Variants in RBFOX1 observed in about 807,000 individuals in gnomAD.
The protein encoded by RBFOX1 is RNA binding fox-1 homolog 1, also known as RNA binding protein fox-1 homolog 1.
RBFOX1 carries 8 observed loss-of-function variants against 57.7 expected under a neutral mutation model. That is an observed-to-expected ratio of 0.14 (90% CI 0.08 to 0.25). The LOEUF (loss-of-function observed/expected upper bound fraction) is 0.25, where lower values mean the gene tolerates loss of function less well. RBFOX1 is among the 10% of genes least tolerant of loss of function. The pLI, the probability that RBFOX1 is intolerant of heterozygous loss-of-function variation, is 1.00. For missense variants in RBFOX1, 611 were observed against 548.5 expected, an observed-to-expected ratio of 1.11 and a Z score of -1.14; for synonymous variants, 326 against 222.4, an observed-to-expected ratio of 1.47 and a Z score of -4.15.
intron 1 of RBFOX1, among the ~76,000 whole-genome samples, chr16:6,278,082 T>G (rs1031870827): frequency 1.3e-5 from 2 of 152,134 alleles, no homozygotes; most frequent in African/African-American, 4.8e-5. Flanking sequence ...ATTAGTCACT[T>G]AATTTTTATG....
intron 2 of RBFOX1, among the ~76,000 whole-genome samples, chr16:6,546,533 C>T (rs1367750226): frequency 6.6e-6 from 1 of 152,186 alleles, no homozygotes; most frequent in African/African-American, 2.4e-5. Flanking sequence ...CATAGCACCT[C>T]TGTCTGCTTC....
intron 4 of RBFOX1, among the ~76,000 whole-genome samples, chr16:7,391,399 G>C (rs2098017714): frequency 6.6e-6 from 1 of 152,164 alleles, no homozygotes; most frequent in Non-Finnish European, 1.5e-5. Context: ...CTGGGTACCT[G>C]CCTCCCTCTG....
At chr16:6,861,822 G>GT (rs1285793325) in intron 3 of RBFOX1, among the ~76,000 whole-genome samples, 6 of 65,558 alleles carry the variant, frequency 9.2e-5, no homozygotes, top group Non-Finnish European at 1.1e-4. Context: ...AGCGTCCCTT[G>GT]GTTTTTTTTT....
chr16:6,561,048 A>T (rs142120420), intron 2 of RBFOX1, among the ~76,000 whole-genome samples: 2 of 152,366 alleles, frequency 1.3e-5, no homozygotes, highest in African/African-American at 4.8e-5. Flanking sequence ...AAGTTGAATT[A>T]TCTGCTTAAT....
intron 4 of RBFOX1, among the ~76,000 whole-genome samples, chr16:7,282,602 AGGTT>A (rs2095567927): frequency 6.6e-6 from 1 of 150,932 alleles, no homozygotes; most frequent in Non-Finnish European, 1.5e-5. Context: ...ATTTTTCCAT[AGGTT>A]ATTGGGGGAA....
chr16:6,605,622 G>C (rs997441510), intron 2 of RBFOX1, among the ~76,000 whole-genome samples: 4 of 152,174 alleles, frequency 2.6e-5, no homozygotes, highest in African/African-American at 9.7e-5. Context: ...TTCAAGTACA[G>C]AGTGAAAACT....
intron 2 of RBFOX1, among the ~76,000 whole-genome samples, chr16:6,617,155 T>A (rs2098154785): frequency 6.6e-6 from 1 of 151,958 alleles, no homozygotes; most frequent in Admixed American, 6.6e-5. Flanking sequence ...AGGTCCTCCA[T>A]CCCTGACTAT....
At chr16:6,701,649 C>G (rs1366763646) in intron 3 of RBFOX1, among the ~76,000 whole-genome samples, 2 of 152,062 alleles carry the variant, frequency 1.3e-5, no homozygotes, top group Admixed American at 6.6e-5. Context: ...CGTACGTACA[C>G]CTGTGTTCAT....
At chr16:6,352,212 A>C (rs2152848247) in intron 2 of RBFOX1, among the ~76,000 whole-genome samples, 1 of 152,254 alleles carries the variant, frequency 6.6e-6, no homozygotes, top group Admixed American at 6.5e-5. Flanking sequence ...CTTAGCTCTT[A>C]TCCTTATCTG....
intron 1 of RBFOX1, among the ~76,000 whole-genome samples, chr16:5,449,244 C>T (rs938509896): frequency 3.9e-5 from 6 of 152,118 alleles, no homozygotes; most frequent in Non-Finnish European, 8.8e-5. Flanking sequence ...ATTGGCCTTT[C>T]CTCTTCCTGA....
chr16:6,931,271 AT>A (rs1162364379), intron 3 of RBFOX1, among the ~76,000 whole-genome samples: 3 of 124,672 alleles, frequency 2.4e-5, no homozygotes, highest in Non-Finnish European at 5.2e-5. Flanking sequence ...AAAAAAAAAA[AT>A]CTATCTATCT....
At chr16:7,327,482 C>A (rs965326159) in intron 4 of RBFOX1, among the ~76,000 whole-genome samples, 2 of 152,124 alleles carry the variant, frequency 1.3e-5, no homozygotes, top group Non-Finnish European at 2.9e-5. Flanking sequence ...CTGCACAAAT[C>A]TGTATTTTGA....
At chr16:6,566,620 T>A (rs771641768) in intron 2 of RBFOX1, among the ~76,000 whole-genome samples, 5 of 152,206 alleles carry the variant, frequency 3.3e-5, no homozygotes, top group Non-Finnish European at 4.4e-5. Context: ...TAGAAGGTAT[T>A]ACTGATAGGT....
At chr16:5,451,374 A>G (rs2068421762) in intron 1 of RBFOX1, among the ~76,000 whole-genome samples, 1 of 152,212 alleles carries the variant, frequency 6.6e-6, no homozygotes. Context: ...ATAATGAAAC[A>G]TCGATTCTCA....
intron 3 of RBFOX1, among the ~76,000 whole-genome samples, chr16:5,612,255 A>C: frequency 6.9e-6 from 1 of 145,890 alleles, no homozygotes; most frequent in Admixed American, 6.9e-5. Flanking sequence ...CAGTTCTCCC[A>C]TCCATCCATC....
chr16:7,561,477 G>A (rs888903976), intron 5 of RBFOX1, among the ~76,000 whole-genome samples: 2 of 152,238 alleles, frequency 1.3e-5, no homozygotes, highest in Admixed American at 6.5e-5. Flanking sequence ...GGAGAAATTA[G>A]CCTACTGAGA....
chr16:6,520,662 A>G (rs1223859904), intron 2 of RBFOX1, among the ~76,000 whole-genome samples: 1 of 152,212 alleles, frequency 6.6e-6, no homozygotes, highest in Non-Finnish European at 1.5e-5. Flanking sequence ...GGCAGGACCC[A>G]GGACAGTTCT....
intron 1 of RBFOX1, among the ~76,000 whole-genome samples, chr16:5,390,464 T>C (rs1031542334): frequency 1.3e-5 from 2 of 151,990 alleles, no homozygotes; most frequent in African/African-American, 4.8e-5. Context: ...ACTTTTTATA[T>C]TTTTCGTAGA....
intron 3 of RBFOX1, among the ~76,000 whole-genome samples, chr16:7,046,887 T>G (rs1431560165): frequency 6.6e-6 from 1 of 152,148 alleles, no homozygotes; most frequent in Admixed American, 6.6e-5. Flanking sequence ...ATTACAGGCG[T>G]GAGCCCCTGC....
Sources: allele counts gnomAD v4.1 joint callset (sites outside exome capture counted in the v4.1 genomes callset), GRCh38; gene constraint gnomAD v4.1.1; transcripts MANE v1.5; gene names NCBI Gene and HGNC (gene_info 2026-07-23, HGNC 2026-07-21).